PDGFC: variants seen among roughly 807,000 people sequenced by gnomAD.
PDGFC encodes platelet-derived growth factor C.
A neutral mutation model predicts 35.5 loss-of-function variants in PDGFC; 12 were observed. The observed-to-expected ratio is 0.34, with a 90% CI of 0.22 to 0.55. The LOEUF (loss-of-function observed/expected upper bound fraction) is 0.55, where lower values mean the gene tolerates loss of function less well. PDGFC is among the 20% of genes least tolerant of loss of function. PDGFC has a pLI of 0.91. For missense variants in PDGFC, 322 were observed against 412.4 expected (o/e 0.78, Z 1.90); for synonymous variants, 159 against 148.8 (o/e 1.07, Z -0.50).
At chr4:156,856,474 G>A (rs1729586860) in intron 1 of PDGFC, among the ~76,000 whole-genome samples, 1 of 152,096 alleles carries the variant, frequency 6.6e-6, no homozygotes, top group Non-Finnish European at 1.5e-5. Flanking sequence ...TAGTAAACGA[G>A]CCAGTTTCAG....
intron 3 of PDGFC, 40 bp from the exon 4 acceptor site, chr4:156,772,933 C>T (rs369154533): frequency 3.9e-5 from 53 of 1,357,766 alleles, no homozygotes; most frequent in Admixed American, 1.7e-4. Flanking sequence ...GTTTTAAAAA[C>T]GACAATGTAT....
chr4:156,850,567 C>A, intron 1 of PDGFC, 151 bp from the exon 2 acceptor site: 1 of 421,956 alleles, frequency 2.4e-6, no homozygotes, highest in Non-Finnish European at 4.2e-6. Context: ...CAGAACTGAT[C>A]CAGAAAAAAG....
At chr4:156,817,169 T>C (rs962081469) in intron 2 of PDGFC, among the ~76,000 whole-genome samples, 2 of 151,864 alleles carry the variant, frequency 1.3e-5, no homozygotes, top group African/African-American at 2.4e-5. Flanking sequence ...AAACTACAAA[T>C]ATATAAACCA....
intron 1 of PDGFC, among the ~76,000 whole-genome samples, chr4:156,963,987 A>T (rs1732402800): frequency 6.6e-6 from 1 of 151,976 alleles, no homozygotes; most frequent in Non-Finnish European, 1.5e-5. Flanking sequence ...TGACCAAAAA[A>T]AAAAAAAAAA....
chr4:156,828,124 G>A (rs1013871243), intron 2 of PDGFC, among the ~76,000 whole-genome samples: 2 of 152,184 alleles, frequency 1.3e-5, no homozygotes, highest in Admixed American at 6.5e-5. Context: ...CTTCCAAAGT[G>A]CTGACGGGTG....
chr4:156,801,548 A>G (rs1055928980), intron 3 of PDGFC, among the ~76,000 whole-genome samples: 2 of 152,158 alleles, frequency 1.3e-5, no homozygotes, highest in African/African-American at 2.4e-5. Context: ...TTTATCTGGC[A>G]TGGGAGGGAA....
At chr4:156,830,900 C>T (rs564776432) in intron 2 of PDGFC, among the ~76,000 whole-genome samples, 1 of 152,336 alleles carries the variant, frequency 6.6e-6, no homozygotes, top group African/African-American at 2.4e-5. Context: ...GAGATGCCTT[C>T]TGTGAGTCCT....
chr4:156,883,800 T>C (rs1730310817), intron 1 of PDGFC, among the ~76,000 whole-genome samples: 1 of 152,200 alleles, frequency 6.6e-6, no homozygotes, highest in South Asian at 2.1e-4. Context: ...GTTATTTCAA[T>C]TGATTGAAAA....
intron 1 of PDGFC, among the ~76,000 whole-genome samples, chr4:156,869,060 T>TA (rs1328221457): frequency 6.6e-6 from 1 of 152,220 alleles, no homozygotes; most frequent in Non-Finnish European, 1.5e-5. Flanking sequence ...TCACTGCCAG[T>TA]AAGCCTCAAA....
Position 156,762,625 on chromosome 4 carries a change from C to CAA in PDGFC, c.*463_*464dup, listed in dbSNP as rs879026361. On this transcript the variant is annotated 3_prime_UTR_variant, in exon 6 of 6. Transcript: ENST00000502773. ...TCTGGTTTACATATGTGAATATGAGCAAAAAAAAAAAAAAAAATCCAGATT... is the reference window on the plus strand; with the variant it reads ...TCTGGTTTACATATGTGAATATGAGCAAAAAAAAAAAAAAAAAAATCCAGATT... The CAA allele has an allele frequency of 4.3e-4, 45 of 103,494 alleles. No individual in the cohort carries two copies. The highest frequency in any genetic ancestry group is 9.0e-4 in the African/African-American group (28 of 31,000). 6.4% of individuals were successfully genotyped at this position (103,494 alleles called of 1,614,324 possible).
chr4:156,891,526 T>TG (rs1236561927), intron 1 of PDGFC, among the ~76,000 whole-genome samples: 2 of 151,738 alleles, frequency 1.3e-5, no homozygotes, highest in South Asian at 2.1e-4. Flanking sequence ...GATTCTCTAT[T>TG]GGAGTTTACA....
chr4:156,840,041 C>T (rs897141130), intron 2 of PDGFC, among the ~76,000 whole-genome samples: 2 of 152,106 alleles, frequency 1.3e-5, no homozygotes, highest in African/African-American at 4.8e-5. Flanking sequence ...TGCAGCCTGA[C>T]AATGCAGTAG....
intron 1 of PDGFC, among the ~76,000 whole-genome samples, chr4:156,931,480 G>T (rs555398414): frequency 6.6e-6 from 1 of 152,128 alleles, no homozygotes; most frequent in Non-Finnish European, 1.5e-5. Context: ...GCTGGCCTGT[G>T]GGGGAGGTGA....
intron 2 of PDGFC, among the ~76,000 whole-genome samples, chr4:156,840,844 C>T (rs1729185571): frequency 6.6e-6 from 1 of 152,170 alleles, no homozygotes; most frequent in African/African-American, 2.4e-5. Context: ...TACGATTTGA[C>T]TGCCCCACGG....
At chr4:156,922,606 GTAA>G (rs1731312733) in intron 1 of PDGFC, among the ~76,000 whole-genome samples, 1 of 152,186 alleles carries the variant, frequency 6.6e-6, no homozygotes, top group African/African-American at 2.4e-5. Flanking sequence ...GACTCTGACT[GTAA>G]GTTTACCTAC....
chr4:156,848,416 C>A (rs60215635), intron 2 of PDGFC, among the ~76,000 whole-genome samples: 1 of 151,848 alleles, frequency 6.6e-6, no homozygotes, highest in African/African-American at 2.4e-5. Context: ...CAGAAAGTCT[C>A]AAAGTTTTAT....
rs571323660 is a variant in PDGFC, at chr4:156,836,219, C to T, written c.314+14002G>A. On this transcript the variant is annotated intron_variant, in intron 2 of 5. Transcript: ENST00000502773. The stretch of plus-strand genomic sequence containing the variant: ...TATTGGTGAATACAAAGAGGTCTCA[C>T]CAATTGTTCTTAAGCCAGGGGGTGG... 3.9e-5 allele frequency among the ~76,000 whole-genome samples: 6 copies of T among 152,202 alleles called. No individual in the cohort carries two copies. The South Asian group carries it at 1.2e-3, about 32-fold the overall frequency.
chr4:156,835,461 A>G (rs1226314590), intron 2 of PDGFC, among the ~76,000 whole-genome samples: 1 of 152,122 alleles, frequency 6.6e-6, no homozygotes, highest in Non-Finnish European at 1.5e-5. Context: ...TATAAACATT[A>G]TATGCTTGGA....
At chr4:156,942,333 T>C (rs1381839279) in intron 1 of PDGFC, among the ~76,000 whole-genome samples, 3 of 152,140 alleles carry the variant, frequency 2.0e-5, no homozygotes, top group Non-Finnish European at 2.9e-5. Flanking sequence ...TTCTAGCTTA[T>C]CTTCTTTCAT....
Sources: allele counts gnomAD v4.1 joint callset (sites outside exome capture counted in the v4.1 genomes callset), GRCh38; gene constraint gnomAD v4.1.1; transcripts MANE v1.5; gene names NCBI Gene and HGNC (gene_info 2026-07-23, HGNC 2026-07-21).